Variants in PRR16 observed in about 807,000 individuals in gnomAD.
The protein encoded by PRR16 is protein Largen.
Under a neutral mutation model 18.2 loss-of-function variants are expected in PRR16, and 6 were observed. That is an observed-to-expected ratio of 0.33 (90% CI 0.18 to 0.65). The LOEUF (loss-of-function observed/expected upper bound fraction) is 0.65. Among genes scored for constraint, PRR16 ranks in the 30% least tolerant of loss-of-function variants. The pLI, the probability that PRR16 is intolerant of heterozygous loss-of-function variation, is 0.74. For missense variants in PRR16, 412 were observed against 376.6 expected (o/e 1.09, Z -0.78); for synonymous variants, 151 against 147.8 (o/e 1.02, Z -0.16).
At chr5:120,758,481 C>T in the PRR16 span, among the ~76,000 whole-genome samples, 1,301 of 152,222 alleles carry the variant, frequency 8.5e-3, 23 homozygotes, top group African/African-American at 0.026. Flanking sequence ...AATATGGTTT[C>T]GCTTTGTGTC....
the PRR16 span, among the ~76,000 whole-genome samples, chr5:120,745,980 G>A: frequency 6.6e-6 from 1 of 151,378 alleles, no homozygotes. Context: ...CCAAAATGCT[G>A]GGATTACAGG....
chr5:120,773,097 T>C, the PRR16 span, among the ~76,000 whole-genome samples: 62 of 152,262 alleles, frequency 4.1e-4, no homozygotes, highest in African/African-American at 1.4e-3. Flanking sequence ...GGCTTTGACT[T>C]AGATCACAGA....
the PRR16 span, among the ~76,000 whole-genome samples, chr5:120,749,121 T>A: frequency 6.6e-6 from 1 of 152,114 alleles, no homozygotes; most frequent in East Asian, 1.9e-4. Context: ...AAACATATAA[T>A]GCATATATCT....
intron 1 of PRR16, among the ~76,000 whole-genome samples, chr5:120,539,597 A>C (rs948910595): frequency 4.6e-5 from 7 of 152,056 alleles, no homozygotes; most frequent in African/African-American, 1.7e-4. Context: ...TTATCTGCAT[A>C]CCAAACCCCT....
At chr5:120,741,977 C>A in the PRR16 span, among the ~76,000 whole-genome samples, 1 of 152,080 alleles carries the variant, frequency 6.6e-6, no homozygotes, top group African/African-American at 2.4e-5. Flanking sequence ...TCTTTTTAAT[C>A]ATAATTTGTT....
In PRR16 at chr5:120,525,594, A is replaced by G. The variant is rs1428741715; in HGVS notation, c.159+60949A>G. ...TAAGAACACATGTATTTCCTTTAGT[A>G]GCAACATCAATATTGCTTTTTTTTT... On this transcript the variant is annotated intron_variant, in intron 1 of 1. Transcript: ENST00000407149. Among the ~76,000 whole-genome samples the G allele has an allele frequency of 2.6e-5, 4 of 151,462 alleles. No homozygotes were observed. The East Asian group carries it at 7.7e-4, about 29-fold the overall frequency.
At chr5:120,659,038 C>A (rs1372107902) in intron 1 of PRR16, among the ~76,000 whole-genome samples, 1 of 151,768 alleles carries the variant, frequency 6.6e-6, no homozygotes, top group East Asian at 1.9e-4. Flanking sequence ...CATCATAGTT[C>A]TTTTAAGGTC....
At chr5:120,754,766 A>G in the PRR16 span, among the ~76,000 whole-genome samples, 1 of 149,664 alleles carries the variant, frequency 6.7e-6, no homozygotes, top group Admixed American at 6.8e-5. Flanking sequence ...TATTGATAAC[A>G]TCTTTACTTT....
chr5:120,561,859 G>A (rs1047368157), intron 1 of PRR16, among the ~76,000 whole-genome samples: 19 of 152,178 alleles, frequency 1.2e-4, no homozygotes, highest in African/African-American at 3.4e-4. Flanking sequence ...AGTGCCTTTC[G>A]CCTTGCACTA....
At chr5:120,755,746 C>A in the PRR16 span, among the ~76,000 whole-genome samples, 1 of 152,046 alleles carries the variant, frequency 6.6e-6, no homozygotes, top group African/African-American at 2.4e-5. Context: ...GATACATACC[C>A]AGTAATAGTG....
intron 1 of PRR16, among the ~76,000 whole-genome samples, chr5:120,499,837 G>A (rs1392919827): frequency 1.3e-5 from 2 of 151,094 alleles, no homozygotes; most frequent in African/African-American, 4.9e-5. Flanking sequence ...AATAAAACCT[G>A]GACATTTTAG....
At chr5:120,770,021 C>G in the PRR16 span, among the ~76,000 whole-genome samples, 1 of 151,864 alleles carries the variant, frequency 6.6e-6, no homozygotes, top group African/African-American at 2.4e-5. Context: ...AAAAATGTCT[C>G]TTCAAGTCCT....
At chr5:120,518,421 G>T (rs1751067761) in intron 1 of PRR16, among the ~76,000 whole-genome samples, 1 of 152,010 alleles carries the variant, frequency 6.6e-6, no homozygotes, top group Non-Finnish European at 1.5e-5. Flanking sequence ...AGGAGACTAG[G>T]GATGAGGCTT....
chr5:120,540,358 G>A (rs1751871443), intron 1 of PRR16, among the ~76,000 whole-genome samples: 1 of 151,926 alleles, frequency 6.6e-6, no homozygotes, highest in Non-Finnish European at 1.5e-5. Context: ...ATGATTTTCG[G>A]GCTTGGTCTT....
intron 1 of PRR16, among the ~76,000 whole-genome samples, chr5:120,632,169 A>G (rs973128354): frequency 1.3e-5 from 2 of 152,190 alleles, no homozygotes; most frequent in Admixed American, 6.5e-5. Context: ...AAGAAGCCCC[A>G]TTCCTAGGGG....
chr5:120,676,522 ATG>A (rs60138197), intron 1 of PRR16, among the ~76,000 whole-genome samples: 1,312 of 125,998 alleles, frequency 0.01, 8 homozygotes, highest in Middle Eastern at 0.019. Flanking sequence ...ATATATATAT[ATG>A]TGTGTGTGTG....
chr5:120,464,961 G>T (rs1210488263), intron 1 of PRR16, among the ~76,000 whole-genome samples: 1 of 152,132 alleles, frequency 6.6e-6, no homozygotes, highest in Non-Finnish European at 1.5e-5. Context: ...GGGTGTGTCG[G>T]CAGAGGAAGT....
chr5:120,623,616 C>T (rs140103537), intron 1 of PRR16, among the ~76,000 whole-genome samples: 1 of 151,898 alleles, frequency 6.6e-6, no homozygotes, highest in Non-Finnish European at 1.5e-5. Context: ...TTATCTTTAC[C>T]CTTACCCATG....
At chr5:120,674,691 C>G (rs1259369783) in intron 1 of PRR16, among the ~76,000 whole-genome samples, 1 of 151,900 alleles carries the variant, frequency 6.6e-6, no homozygotes, top group African/African-American at 2.4e-5. Flanking sequence ...TTTTATTCTT[C>G]CATTATTTAT....
Sources: allele counts gnomAD v4.1 joint callset (sites outside exome capture counted in the v4.1 genomes callset), GRCh38; gene constraint gnomAD v4.1.1; transcripts MANE v1.5; gene names NCBI Gene and HGNC (gene_info 2026-07-23, HGNC 2026-07-21).